Variants in GAB3 observed in about 807,000 individuals in gnomAD.
The protein encoded by GAB3 is GRB2 associated binding protein 3, also known as GRB2-associated-binding protein 3.
Under a neutral mutation model 40.4 loss-of-function variants are expected in GAB3, and 12 were observed. The observed-to-expected ratio is 0.30, with a 90% confidence interval of 0.19 to 0.48. The LOEUF (loss-of-function observed/expected upper bound fraction) is 0.48. Ranked by LOEUF, GAB3 falls within the 20% of genes least tolerant of loss-of-function variation. The pLI is 0.99. For missense variants in GAB3, 381 were observed against 461.9 expected, an observed-to-expected ratio of 0.82 and a Z score of 1.61; for synonymous variants, 154 against 176.7, an observed-to-expected ratio of 0.87 and a Z score of 1.02.
rs1307457986 is a variant in GAB3 at position 154,680,149 on chromosome X, G to A, written c.1630C>T (p.Pro544Ser). ...CTTCCTACCTGCTGCATGGGGGCTG[G>A]TGATGCTGAATTGAAGTCCAGGGCC... ...YLALDFNSAS[P>S]APMQQKLLLS... Residue 544 changes from proline (P) to serine (S), a missense_variant, in exon 9 of 10, where the codon CCA becomes TCA. Coordinates refer to ENST00000424127, the MANE Select transcript of GAB3 (RefSeq NM_001081573.3). The A allele has an allele frequency of 1.7e-6, 2 of 1,204,000 alleles. No homozygotes were observed. Among genetic ancestry groups the A allele is most frequent in the Non-Finnish European group, 2.3e-6 (2 of 888,726 alleles).
chrX:154,695,665 A>C (rs782562253), intron 8 of GAB3, among the ~76,000 whole-genome samples: 10 of 112,746 alleles, frequency 8.9e-5, no homozygotes, highest in African/African-American at 3.2e-4. Context: ...CAAATTAAGC[A>C]AGCCTCAGCC....
intron 7 of GAB3, among the ~76,000 whole-genome samples, chrX:154,696,894 A>C (rs782324053): frequency 3.5e-5 from 4 of 112,841 alleles, no homozygotes; most frequent in Admixed American, 1.9e-4. Context: ...AGTGAAGCAG[A>C]AGTGAGTAGA....
intron 4 of GAB3, among the ~76,000 whole-genome samples, chrX:154,708,673 C>A (rs1231242775): frequency 8.9e-6 from 1 of 111,790 alleles, no homozygotes; most frequent in East Asian, 2.8e-4. Flanking sequence ...TCGGCCCACA[C>A]CTGTGAGGAT....
intron 1 of GAB3, among the ~76,000 whole-genome samples, chrX:154,749,624 G>T (rs1318898368): frequency 5.3e-5 from 6 of 112,568 alleles, no homozygotes; most frequent in Non-Finnish European, 7.5e-5. Flanking sequence ...GGCACTTAGA[G>T]AAATCTCAGT....
intron 8 of GAB3, among the ~76,000 whole-genome samples, chrX:154,680,702 C>G (rs2070361366): frequency 8.9e-6 from 1 of 112,299 alleles, no homozygotes; most frequent in African/African-American, 3.2e-5. Context: ...ATCTTTGAAG[C>G]TGTTTCCCCT....
At chrX:154,680,021 A>T (rs1266389219) in intron 9 of GAB3, 111 bp downstream of exon 9, 10 of 532,162 alleles carry the variant, frequency 1.9e-5, no homozygotes, top group Non-Finnish European at 3.2e-5. Context: ...TTCATTATAC[A>T]TGTCTGCATT....
chrX:154,709,486 A>ACTTT (rs2070885584), intron 4 of GAB3, among the ~76,000 whole-genome samples: 1 of 108,880 alleles, frequency 9.2e-6, no homozygotes, highest in Non-Finnish European at 1.9e-5. Context: ...ACACTGGGTA[A>ACTTT]TTTTTGTATT....
intron 4 of GAB3, among the ~76,000 whole-genome samples, chrX:154,703,823 G>A (rs1257411070): frequency 9.0e-6 from 1 of 111,329 alleles, no homozygotes; most frequent in East Asian, 2.8e-4. Context: ...CCACTATGGA[G>A]AAGTTTGGAG....
chrX:154,751,297 T>TG (rs1342971890), upstream of GAB3, among the ~76,000 whole-genome samples: 757 of 49,962 alleles, frequency 0.015, 9 homozygotes, highest in African/African-American at 0.036. Context: ...GGGGGGGGTG[T>TG]GGGGGGGGGA....
chrX:154,693,503 C>T (rs1337101241), intron 8 of GAB3, among the ~76,000 whole-genome samples: 1 of 111,556 alleles, frequency 9.0e-6, no homozygotes, highest in Non-Finnish European at 1.9e-5. Context: ...TTAAAAGGTA[C>T]CGTATGATTC....
At chrX:154,691,731 AAAG>A (rs1321249155) in intron 8 of GAB3, among the ~76,000 whole-genome samples, 1 of 112,000 alleles carries the variant, frequency 8.9e-6, no homozygotes, top group African/African-American at 3.2e-5. Flanking sequence ...CAATCATAAA[AAAG>A]AAGAACAAAG....
At chrX:154,704,544 T>C (rs2070780317) in intron 4 of GAB3, among the ~76,000 whole-genome samples, 1 of 110,787 alleles carries the variant, frequency 9.0e-6, no homozygotes, top group Admixed American at 9.6e-5. Context: ...AATAAGAAAC[T>C]ATAAAAGCAA....
At chrX:154,708,002 C>T (rs782097068) in intron 4 of GAB3, among the ~76,000 whole-genome samples, 14 of 111,818 alleles carry the variant, frequency 1.3e-4, no homozygotes, top group South Asian at 7.4e-4. Context: ...ATAAAATCTA[C>T]GTTGTACTGG....
chrX:154,729,593 G>A (rs1220425551), intron 1 of GAB3, among the ~76,000 whole-genome samples: 1 of 111,896 alleles, frequency 8.9e-6, no homozygotes, highest in East Asian at 2.8e-4. Flanking sequence ...ACCAGGGAGA[G>A]GAAAGGATTC....
intron 8 of GAB3, among the ~76,000 whole-genome samples, chrX:154,694,646 G>A (rs1266967941): frequency 8.9e-6 from 1 of 112,071 alleles, no homozygotes; most frequent in Non-Finnish European, 1.9e-5. Flanking sequence ...GCCCGCCTCA[G>A]CCTCCCAAAG....
chrX:154,710,733 T>TGCCACA (rs1557255641), intron 4 of GAB3, among the ~76,000 whole-genome samples: 1 of 112,488 alleles, frequency 8.9e-6, no homozygotes, highest in African/African-American at 3.2e-5. Flanking sequence ...TGTTGTTTGG[T>TGCCACA]CTTTGTTTCA....
intron 1 of GAB3, among the ~76,000 whole-genome samples, chrX:154,736,511 C>G (rs1161614882): frequency 8.9e-6 from 1 of 112,280 alleles, no homozygotes; most frequent in Admixed American, 9.3e-5. Flanking sequence ...CATCTAGAGC[C>G]AAGTGGATCC....
At chrX:154,710,298 T>C (rs1159106867) in intron 4 of GAB3, among the ~76,000 whole-genome samples, 3 of 111,729 alleles carry the variant, frequency 2.7e-5, no homozygotes, top group Non-Finnish European at 5.6e-5. Flanking sequence ...AATATATTTA[T>C]ATATGTGTGT....
In GAB3 at chrX:154,676,564, A is replaced by C. The variant is rs2070300251; in HGVS notation, c.*1614T>G. 1.8e-5 allele frequency: 2 copies of C among 112,188 alleles called. No homozygotes were observed. The highest frequency in any genetic ancestry group is 1.9e-4 in the Admixed American group (2 of 10,602). 9.2% of individuals were successfully genotyped at this position (112,188 alleles called of 1,213,427 possible). ...TTTCCCCCCACTTTGTCCAAGGAAG[A>C]AAATAATGTCACCAGAACCTGCTTC... is the stretch of plus-strand genomic sequence containing the variant. On this transcript the variant is annotated 3_prime_UTR_variant, in exon 10 of 10. Transcript: ENST00000424127.
Sources: gnomAD v4.1 joint callset for allele counts (sites outside exome capture counted in the v4.1 genomes callset) on GRCh38, gnomAD v4.1.1 for gene constraint, MANE v1.5 for transcripts, NCBI Gene and HGNC (gene_info 2026-07-23, HGNC 2026-07-21) for gene names.